The following TSBP1 variants were observed in gnomAD, a reference collection of about 807,000 sequenced individuals.
TSBP1 encodes testis-expressed basic protein 1.
Under a neutral mutation model 68.8 loss-of-function variants are expected in TSBP1, and 56 were observed. The observed-to-expected ratio is 0.81, with a 90% CI of 0.66 to 1.02. TSBP1 has a LOEUF of 1.02. Among genes scored for constraint, TSBP1 ranks in the 50% least tolerant of loss-of-function variants. The pLI is 0.00. For missense variants in TSBP1, 502 were observed against 641.2 expected, an observed-to-expected ratio of 0.78 and a Z score of 2.34; for synonymous variants, 171 against 208.7, an observed-to-expected ratio of 0.82 and a Z score of 1.56.
chr6:32,323,661 A>G (rs776883266), intron 16 of TSBP1, 47 bp from the exon 18 acceptor site: 5 of 1,593,392 alleles, frequency 3.1e-6, no homozygotes, highest in Non-Finnish European at 4.3e-6. Flanking sequence ...CTCCCATGAT[A>G]TTTTCCTTTC....
rs9281758 is a variant in TSBP1 at position 32,367,265 on chromosome 6, A to AGAGAGAG, written c.166+659_166+660insCTCTCTC. Among the ~76,000 whole-genome samples, 100 of 117,810 alleles carry AGAGAGAG rather than the reference A, an allele frequency of 8.5e-4. 2 individuals carry two copies. The highest frequency in any genetic ancestry group is 5.4e-3 in the Middle Eastern group (1 of 184). The allele number at this position is 117,810 out of a possible 152,430, so 77.3% of individuals were successfully genotyped here. ...GGAAAGAGAGAGAGAGAGAGAGAGA[A>AGAGAGAG]AGAGAGAGAGAGACAGCCGAGGGAA... On this transcript the variant is annotated intron_variant, in intron 4 of 22. Coordinates refer to ENST00000612031, the Ensembl canonical transcript of TSBP1.
Position 32,343,371 on chromosome 6 carries a change from C to G in TSBP1, c.350-3733G>C, listed in dbSNP as rs1555117. On this transcript the variant is annotated intron_variant, in intron 9 of 22. Transcript: ENST00000612031. This position sits in a 1 kb window ranked among gnomAD's most constrained non-coding sequence, Gnocchi z 4.3. ...CCTCAGGTTATTAGACTTTCCATTC[C>G]CCTGTAGGTAGGCTCATAAAGTGGC... 197,488 of 538,298 alleles carry G rather than the reference C, an allele frequency of 0.37. 39,198 individuals are homozygous for G. Among genetic ancestry groups the G allele is most frequent in the Middle Eastern group, 0.55 (1,105 of 2,008 alleles). 33.3% of individuals were successfully genotyped at this position (538,298 alleles called of 1,614,324 possible).
Position 32,316,427 on chromosome 6 carries a change from G to T in TSBP1, c.560-635C>A. 1 of 1,551,390 alleles carries T rather than the reference G, an allele frequency of 6.4e-7. No individual in the cohort carries two copies. The highest frequency in any genetic ancestry group is 8.7e-7 in the Non-Finnish European group (1 of 1,146,692). ...GCTGCCAGCTGACCTAAAAAAATTA[G>T]ATATCAGTGAAGATTTGTTTGAAAG... On this transcript the variant is annotated intron_variant, in intron 18 of 22. Coordinates refer to ENST00000612031, the Ensembl canonical transcript of TSBP1. The surrounding 1 kb of genome is among the most constrained non-coding windows in gnomAD (Gnocchi z 4.5).
chr6:32,329,065 C>T (rs9348881), intron 16 of TSBP1, among the ~76,000 whole-genome samples: 2 of 151,864 alleles, frequency 1.3e-5, no homozygotes, highest in African/African-American at 4.8e-5. Context: ...AGGGCTGTTG[C>T]GAGCCACTAA....
In TSBP1 at chr6:32,315,436, C is replaced by T. The variant is rs1766842471; in HGVS notation, c.580+336G>A. The stretch of plus-strand genomic sequence containing the variant: ...AATTAGCTGGGCATGGTGGCTTGCA[C>T]CTGTATTGCTAGCCACTTGGGAGGC... On this transcript the variant is annotated intron_variant, in intron 19 of 22. Transcript: ENST00000612031. This position sits in a 1 kb window ranked among gnomAD's most constrained non-coding sequence, Gnocchi z 5.4. 6.6e-6 allele frequency among the ~76,000 whole-genome samples: 1 copy of T among 152,116 alleles called. No homozygotes were observed. Among genetic ancestry groups the T allele is most frequent in the Non-Finnish European group, 1.5e-5 (1 of 68,036 alleles).
Position 32,369,724 on chromosome 6 carries a change from G to A in TSBP1, c.100+173C>T, listed in dbSNP as rs866136254. 3.1e-4 allele frequency among the ~76,000 whole-genome samples: 47 copies of A among 152,234 alleles called. 1 individual carries two copies. Among genetic ancestry groups the A allele is most frequent in the African/African-American group, 1.1e-3 (46 of 41,544 alleles). On this transcript the variant is annotated intron_variant, in intron 2 of 22. Transcript: ENST00000612031. ...GTAAACCTTGGGAGTTAAAAGTGCA[G>A]GGACAATCACTAATAGGTCAGAGAT...
chr6:32,367,968 A>G lies in TSBP1; in HGVS notation c.134-11T>C. On this transcript the variant is annotated splice_polypyrimidine_tract_variant and intron_variant, in intron 3 of 22. Transcript: ENST00000612031. ...CCAGAAGTCTAGCACCTAGAAAAAAAGGGAGAGCACATGATTTTGCTTCTT... is the reference window on the plus strand; with the variant it reads ...CCAGAAGTCTAGCACCTAGAAAAAAGGGGAGAGCACATGATTTTGCTTCTT... 1 of 1,603,534 alleles carries G rather than the reference A, an allele frequency of 6.2e-7. No homozygotes were observed. Among genetic ancestry groups the G allele is most frequent in the Non-Finnish European group, 8.5e-7 (1 of 1,176,118 alleles).
At chr6:32,295,853 T>G (rs1275850400) in intron 22 of TSBP1, among the ~76,000 whole-genome samples, 1 of 151,098 alleles carries the variant, frequency 6.6e-6, no homozygotes, top group Non-Finnish European at 1.5e-5. Context: ...TTTTTTTTTT[T>G]TTTTTTTTGA....
chr6:32,306,072 A>G lies in TSBP1; in HGVS notation c.581-3443T>C, dbSNP rs1414274391. ...TAACACATTTGTATGACAGTGAAAC[A>G]GCAAAATAACTAACATGAACTCTTT... is the stretch of plus-strand genomic sequence containing the variant. On this transcript the variant is annotated intron_variant, in intron 19 of 22. Coordinates refer to ENST00000612031, the Ensembl canonical transcript of TSBP1. The surrounding 1 kb of genome is among the most constrained non-coding windows in gnomAD (Gnocchi z 5.1). Among the ~76,000 whole-genome samples the G allele has an allele frequency of 6.6e-6, 1 of 152,264 alleles. No individual in the cohort carries two copies. Among genetic ancestry groups the G allele is most frequent in the African/African-American group, 2.4e-5 (1 of 41,470 alleles).
At chr6:32,371,597 G>A (rs1447024721) in intron 1 of TSBP1, 97 bp downstream of exon 1, 5 of 863,106 alleles carry the variant, frequency 5.8e-6, no homozygotes, top group Non-Finnish European at 7.9e-6. Flanking sequence ...AGCAGGCAAG[G>A]AAGATAAAGC....
At position 32,292,970 on chromosome 6, in the gene TSBP1, A is replaced by C. The variant is rs1764298753; in HGVS notation, c.*11T>G. On this transcript the variant is annotated 3_prime_UTR_variant, in exon 23 of 23. Coordinates refer to ENST00000612031, the Ensembl canonical transcript of TSBP1. The surrounding 1 kb of genome is among the most constrained non-coding windows in gnomAD (Gnocchi z 4.1). Reference sequence around the variant, plus strand: ...AATCACTTGTCTTATGGGCCTTTAAAAAATTTATCCTTACTCTTCCACTTT... The same window carrying C: ...AATCACTTGTCTTATGGGCCTTTAACAAATTTATCCTTACTCTTCCACTTT... 5.7e-6 allele frequency: 9 copies of C among 1,568,456 alleles called. No individual in the cohort carries two copies. In the South Asian group the frequency reaches 1.0e-4, roughly 18 times the overall value.
chr6:32,324,586 G>T, intron 16 of TSBP1: 1 of 1,538,614 alleles, frequency 6.5e-7, no homozygotes. Flanking sequence ...AATATGGGCA[G>T]ATAAAGACTC....
At chr6:32,367,781 A>G (rs199794606) in intron 4 of TSBP1, 144 bp downstream of exon 4, 15 of 518,030 alleles carry the variant, frequency 2.9e-5, no homozygotes, top group South Asian at 1.2e-4. Context: ...TTTCTTGAGA[A>G]AGAGAGGAGT....
At chr6:32,356,056 A>G (rs1230909166) in intron 6 of TSBP1, among the ~76,000 whole-genome samples, 1 of 152,224 alleles carries the variant, frequency 6.6e-6, no homozygotes, top group Non-Finnish European at 1.5e-5. Flanking sequence ...TTGCGATTGA[A>G]TGTGCATCCT....
At chr6:32,370,770 C>A (rs546004612) in intron 1 of TSBP1, among the ~76,000 whole-genome samples, 1 of 150,860 alleles carries the variant, frequency 6.6e-6, no homozygotes, top group South Asian at 2.1e-4. Flanking sequence ...TAGAGTCTTG[C>A]AGTCATAGGA....
intron 16 of TSBP1, 62 bp downstream of exon 17, chr6:32,330,527 G>T (rs539527072): frequency 3.1e-5 from 46 of 1,483,670 alleles, no homozygotes; most frequent in Non-Finnish European, 4.2e-5. Flanking sequence ...CAGGGAACAG[G>T]CCCTCTAGAC....
rs760582632 is a variant in TSBP1 at position 32,315,779 on chromosome 6, T to C, written c.573A>G (p.Arg191=). ...GAGAAATAAAGAACTTACTTGCAGT[T>C]CTCTGCGAAATTACTAAAAAATAAG... The change falls in exon 19 of 23, where the codon AGA becomes AGG. Residue 191 remains arginine (R), a synonymous_variant. Coordinates refer to ENST00000612031, the Ensembl canonical transcript of TSBP1. This position sits in a 1 kb window ranked among gnomAD's most constrained non-coding sequence, Gnocchi z 5.4. 5 of 1,516,362 alleles carry C rather than the reference T, an allele frequency of 3.3e-6. No individual in the cohort carries two copies. The South Asian group carries it at 6.1e-5, about 18-fold the overall frequency. 93.9% of individuals were successfully genotyped at this position (1,516,362 alleles called of 1,614,324 possible).
In TSBP1 at chr6:32,325,691, G is replaced by A. The variant is rs1478950117; in HGVS notation, c.515-2077C>T. ...TGTAACCTTTGATGACCATGACTCC[G>A]TGGATAAGACTGTCATTCAGAAATA... On this transcript the variant is annotated intron_variant, in intron 16 of 22. Coordinates refer to ENST00000612031, the Ensembl canonical transcript of TSBP1. This position sits in a 1 kb window ranked among gnomAD's most constrained non-coding sequence, Gnocchi z 4.4. 5.1e-5 allele frequency: 54 copies of A among 1,062,852 alleles called. No homozygotes were observed. Among genetic ancestry groups the A allele is most frequent in the Non-Finnish European group, 6.9e-5 (48 of 692,978 alleles). The allele number at this position is 1,062,852 out of a possible 1,614,324, so 65.8% of individuals were successfully genotyped here. A position where few individuals can be genotyped will look rare whatever the true frequency, so the allele number is the denominator to read the frequency against.
chr6:32,299,872 A>C, intron 22 of TSBP1, 50 bp downstream of exon 25: 1 of 1,478,008 alleles, frequency 6.8e-7, no homozygotes, highest in Middle Eastern at 1.7e-4. Context: ...GTCACAAAAG[A>C]ATTAAAAGCA....
Sources: gnomAD v4.1 joint callset for allele counts (sites outside exome capture counted in the v4.1 genomes callset) on GRCh38, gnomAD v4.1.1 for gene constraint, Gnocchi (gnomAD v3.1) non-coding constraint, MANE v1.5 for transcripts, NCBI Gene and HGNC (gene_info 2026-07-23, HGNC 2026-07-21) for gene names.